Variants in KIF6 observed in about 807,000 individuals in gnomAD.
The protein encoded by KIF6 is kinesin family member 6.
Under a neutral mutation model 112.7 loss-of-function variants are expected in KIF6, and 106 were observed. The observed-to-expected ratio is 0.94, with a 90% CI of 0.80 to 1.11. KIF6 has a LOEUF of 1.11. Among genes scored for constraint, KIF6 ranks in the 50% least tolerant of loss-of-function variants. The probability of loss-of-function intolerance (pLI) is 0.00; values close to 1 mark genes in which losing one functional copy is unlikely to be tolerated. For synonymous variants in KIF6, 339 were observed against 339.9 expected (o/e 1.00, Z 0.03); for missense variants, 929 against 964.0 (o/e 0.96, Z 0.48).
chr6:39,523,645 CATAT>C lies in KIF6; in HGVS notation c.1645+16354_1645+16357del, dbSNP rs56952665. ...TACTTCCCTCCCCTATTAATTCTGC[CATAT>C]ATATATATATATATATATATATATA... On this transcript the variant is annotated intron_variant, in intron 13 of 22. Coordinates refer to ENST00000287152, the MANE Select transcript of KIF6 (RefSeq NM_145027.6). Among the ~76,000 whole-genome samples the C allele has an allele frequency of 6.3e-3, 203 of 32,416 alleles. 2 individuals carry two copies. The highest frequency in any genetic ancestry group is 9.4e-3 in the Non-Finnish European group (128 of 13,548). The allele number at this position is 32,416 out of a possible 152,430, so 21.3% of individuals were successfully genotyped here. A position where few individuals can be genotyped will look rare whatever the true frequency, so the allele number is the denominator to read the frequency against.
chr6:39,524,502 G>A (rs1446122367), intron 13 of KIF6, among the ~76,000 whole-genome samples: 1 of 152,174 alleles, frequency 6.6e-6, no homozygotes, highest in Non-Finnish European at 1.5e-5. Context: ...TCCTCCAGCT[G>A]CGGGGAGCAT....
chr6:39,337,172 CTTCTTTCTTTCTTTCT>C lies in KIF6; in HGVS notation c.2429-640_2429-625del, dbSNP rs71543959. ...TCTCTTTCTTTTCTTTCTTTCCTTC[CTTCTTTCTTTCTTTCT>C]TTCTTTCTTTCTTTCTTTCTTTCTT... On this transcript the variant is annotated intron_variant, in intron 22 of 22. Coordinates refer to ENST00000287152, the MANE Select transcript of KIF6 (RefSeq NM_145027.6). 1.8e-3 allele frequency among the ~76,000 whole-genome samples: 110 copies of C among 59,510 alleles called. 2 individuals carry two copies. The highest frequency in any genetic ancestry group is 3.4e-3 in the Admixed American group (17 of 5,072). 39.0% of individuals were successfully genotyped at this position (59,510 alleles called of 152,430 possible).
At position 39,617,175 on chromosome 6, in the gene KIF6, T is replaced by A. The variant is rs1324773039; in HGVS notation, c.510-3857A>T. ...CACTGATAGCCTTAACTTGGATACCTAAGTGGAAAAGTTCTGCTAAGTGTA... is the reference window on the plus strand; with the variant it reads ...CACTGATAGCCTTAACTTGGATACCAAAGTGGAAAAGTTCTGCTAAGTGTA... On this transcript the variant is annotated intron_variant, in intron 5 of 22. Transcript: ENST00000287152. 3.3e-5 allele frequency among the ~76,000 whole-genome samples: 5 copies of A among 152,368 alleles called. No individual in the cohort carries two copies. In the South Asian group the frequency reaches 1.0e-3, roughly 32 times the overall value.
At chr6:39,602,190 A>G (rs1479785468) in intron 6 of KIF6, among the ~76,000 whole-genome samples, 2 of 152,126 alleles carry the variant, frequency 1.3e-5, no homozygotes, top group Admixed American at 6.6e-5. Context: ...TAGGGCTTGT[A>G]TCAAAAATAT....
Position 39,336,354 on chromosome 6 carries a change from C to T in KIF6, c.*178G>A, listed in dbSNP as rs1052849403. 1.3e-5 allele frequency: 8 copies of T among 628,306 alleles called. No individual in the cohort carries two copies. The highest frequency in any genetic ancestry group is 1.1e-4 in the East Asian group (4 of 36,274). 38.9% of individuals were successfully genotyped at this position (628,306 alleles called of 1,614,324 possible). ...GTGGTCAGCCCCAGCCCCAGCCTCT[C>T]GGTGGCCTCCAGGTCAGCATCCTTA... On this transcript the variant is annotated 3_prime_UTR_variant, in exon 23 of 23. Coordinates refer to ENST00000287152, the MANE Select transcript of KIF6 (RefSeq NM_145027.6).
At position 39,357,307 on chromosome 6, in the gene KIF6, T is replaced by C; in HGVS notation, c.2150A>G (p.His717Arg). The C allele has an allele frequency of 6.2e-7, 1 of 1,613,978 alleles. No homozygotes were observed. The highest frequency in any genetic ancestry group is 8.5e-7 in the Non-Finnish European group (1 of 1,179,862). Reference protein sequence around the residue: ...KPFLQTSDSQHEWSQLLSNKS... With the variant: ...KPFLQTSDSQREWSQLLSNKS... ...GTTAGAGAGGAGTTGGGACCATTCA[T>C]GCTGGGAGTCAGATGTCTGGAGAAA... The change falls in exon 19 of 23, where the codon CAT (histidine) becomes CGT (arginine). Residue 717 changes from histidine to arginine, a missense_variant. Around this residue, in one of 2 missense-constraint regions of KIF6, gnomAD observed 241 missense variants for 301.4 expected, o/e 0.80. Coordinates refer to ENST00000287152, the MANE Select transcript of KIF6 (RefSeq NM_145027.6).
chr6:39,430,623 G>A (rs186235998), intron 14 of KIF6, among the ~76,000 whole-genome samples: 2 of 152,308 alleles, frequency 1.3e-5, no homozygotes, highest in East Asian at 1.9e-4. Flanking sequence ...AGGCTTCTGG[G>A]TCACAAGATG....
At chr6:39,553,844 C>G (rs2150582698) in intron 10 of KIF6, 1 of 152,708 alleles carries the variant, frequency 6.5e-6, no homozygotes, top group Admixed American at 6.5e-5. Context: ...GGCACTGCTG[C>G]CCCTGGGGAC....
intron 5 of KIF6, among the ~76,000 whole-genome samples, chr6:39,614,180 T>C (rs1375652343): frequency 6.6e-6 from 1 of 152,232 alleles, no homozygotes; most frequent in Non-Finnish European, 1.5e-5. Context: ...CCTACAGATT[T>C]GAGTCATAAA....
Position 39,341,251 on chromosome 6 carries a change from C to A in KIF6, c.2428+2458G>T, listed in dbSNP as rs183666813. Among the ~76,000 whole-genome samples, 17 of 152,258 alleles carry A rather than the reference C, an allele frequency of 1.1e-4. No individual in the cohort carries two copies. In the East Asian group the frequency reaches 2.7e-3, roughly 24 times the overall value. On this transcript the variant is annotated intron_variant, in intron 22 of 22. Transcript: ENST00000287152. The stretch of plus-strand genomic sequence containing the variant: ...GCTAAATGGTGCTTGTCCATGATCA[C>A]CCTGACATGCAAAATGGCCAGTGGT...
intron 13 of KIF6, among the ~76,000 whole-genome samples, chr6:39,521,455 A>C (rs950466941): frequency 6.6e-6 from 1 of 152,130 alleles, no homozygotes; most frequent in Admixed American, 6.5e-5. Context: ...TGAAGCCGCA[A>C]AACTGTTGCT....
chr6:39,353,802 T>C (rs1581652892), intron 19 of KIF6: 2 of 330,370 alleles, frequency 6.1e-6, no homozygotes, highest in South Asian at 6.0e-5. Context: ...CCTAGTGCGG[T>C]GTCCGGCATG....
chr6:39,402,646 C>T (rs1768792748), intron 15 of KIF6, among the ~76,000 whole-genome samples: 1 of 152,102 alleles, frequency 6.6e-6, no homozygotes, highest in African/African-American at 2.4e-5. Flanking sequence ...TGACCTATTA[C>T]TCCACCAACG....
In KIF6 at chr6:39,515,634, C is replaced by T. The variant is rs138881384; in HGVS notation, c.1645+24369G>A. 2.5e-3 allele frequency among the ~76,000 whole-genome samples: 387 copies of T among 152,250 alleles called. 2 individuals are homozygous for T. The highest frequency in any genetic ancestry group is 8.6e-3 in the African/African-American group (356 of 41,544). ...ATATAGTATGTCTGGTGTGACAACC[C>T]GGAATACGACTAACATGTCATCACA... On this transcript the variant is annotated intron_variant, in intron 13 of 22. Transcript: ENST00000287152.
intron 13 of KIF6, among the ~76,000 whole-genome samples, chr6:39,483,397 C>T (rs1019266850): frequency 1.3e-5 from 2 of 152,168 alleles, no homozygotes; most frequent in Admixed American, 6.5e-5. Context: ...AAACCCTCAC[C>T]CAGCTCCACA....
chr6:39,721,509 T>C (rs945623063), intron 1 of KIF6, among the ~76,000 whole-genome samples: 4 of 152,192 alleles, frequency 2.6e-5, no homozygotes, highest in African/African-American at 9.6e-5. Context: ...TCTCTGATTC[T>C]CTTCCTGGTT....
chr6:39,460,175 C>T (rs1253271037), intron 13 of KIF6, among the ~76,000 whole-genome samples: 2 of 138,110 alleles, frequency 1.4e-5, no homozygotes, highest in African/African-American at 2.7e-5. Flanking sequence ...ACATATACAC[C>T]ATGGAATACT....
At chr6:39,598,358 C>A (rs1284629631) in intron 6 of KIF6, among the ~76,000 whole-genome samples, 1 of 151,666 alleles carries the variant, frequency 6.6e-6, no homozygotes, top group Non-Finnish European at 1.5e-5. Flanking sequence ...TAACTTAGAA[C>A]CATAAGGTTT....
At chr6:39,447,018 C>G (rs1772371976) in intron 13 of KIF6, among the ~76,000 whole-genome samples, 1 of 152,124 alleles carries the variant, frequency 6.6e-6, no homozygotes, top group Non-Finnish European at 1.5e-5. Flanking sequence ...CACCTAAAAA[C>G]CCACCCACAG....
Sources: allele counts gnomAD v4.1 joint callset (sites outside exome capture counted in the v4.1 genomes callset), GRCh38; gene constraint gnomAD v4.1.1; regional missense constraint gnomAD v4.1.1; transcripts MANE v1.5; gene names NCBI Gene and HGNC (gene_info 2026-07-23, HGNC 2026-07-21).